ERBB4: variants seen among roughly 807,000 people sequenced by gnomAD.
ERBB4 encodes the protein erb-b2 receptor tyrosine kinase 4, also known as receptor tyrosine-protein kinase erbB-4.
ERBB4 carries 42 observed loss-of-function variants against 158.0 expected under a neutral mutation model. The ratio of observed to expected loss-of-function variants is 0.27; its 90% CI spans 0.21 to 0.34. ERBB4 has a LOEUF of 0.34. Ranked by LOEUF, ERBB4 falls within the 10% of genes least tolerant of loss-of-function variation. The pLI is 1.00. For missense variants in ERBB4, 1,333 were observed against 1,624.1 expected (o/e 0.82, Z 3.08); for synonymous variants, 583 against 558.7 (o/e 1.04, Z -0.61).
chr2:212,381,602 T>C (rs1230587906), intron 1 of ERBB4, among the ~76,000 whole-genome samples: 1 of 151,342 alleles, frequency 6.6e-6, no homozygotes, highest in Non-Finnish European at 1.5e-5. Context: ...TTGGGCTCTC[T>C]GCCAAGTAAT....
At chr2:211,669,234 A>G (rs1049867032) in intron 14 of ERBB4, among the ~76,000 whole-genome samples, 6 of 137,812 alleles carry the variant, frequency 4.4e-5, no homozygotes, top group South Asian at 2.2e-4. Context: ...AAAAAAAAAA[A>G]AAAAGAAAAA....
rs557974725 is a variant in ERBB4 at position 212,117,770 on chromosome 2, T to C, written c.234+6982A>G. ...TCATAGATGTTTAATTTAAATGGTGTTTTCCTCTCTAATGTTTCTAAAATA... is the reference window on the plus strand; with the variant it reads ...TCATAGATGTTTAATTTAAATGGTGCTTTCCTCTCTAATGTTTCTAAAATA... On this transcript the variant is annotated intron_variant, in intron 2 of 27. Coordinates refer to ENST00000342788, the MANE Select transcript of ERBB4 (RefSeq NM_005235.3). 7.6e-3 allele frequency among the ~76,000 whole-genome samples: 917 copies of C among 119,872 alleles called. 6 individuals carry two copies. Among genetic ancestry groups the C allele is most frequent in the Middle Eastern group, 0.031 (7 of 226 alleles). 78.6% of individuals were successfully genotyped at this position (119,872 alleles called of 152,430 possible).
At chr2:211,937,893 T>C (rs899868247) in intron 3 of ERBB4, among the ~76,000 whole-genome samples, 1 of 152,122 alleles carries the variant, frequency 6.6e-6, no homozygotes, top group African/African-American at 2.4e-5. Flanking sequence ...CAGATACTTA[T>C]ACTGTGGAAA....
chr2:212,226,943 T>C (rs1252574240), intron 1 of ERBB4, among the ~76,000 whole-genome samples: 1 of 152,094 alleles, frequency 6.6e-6, no homozygotes, highest in Non-Finnish European at 1.5e-5. Context: ...TGGAGATAGA[T>C]TCTAAGAAAT....
intron 20 of ERBB4, among the ~76,000 whole-genome samples, chr2:211,526,762 A>T (rs2125651921): frequency 7.0e-6 from 1 of 142,308 alleles, no homozygotes. Context: ...ATTAAAGAGA[A>T]TCAAGCAGAA....
chr2:211,453,501 GGAA>G (rs2064301228), intron 20 of ERBB4, among the ~76,000 whole-genome samples: 2 of 152,058 alleles, frequency 1.3e-5, no homozygotes, highest in African/African-American at 4.8e-5. Context: ...TTTAAAAAGA[GGAA>G]GAGAGAAAGG....
chr2:211,901,225 A>G (rs1046067208), intron 3 of ERBB4, among the ~76,000 whole-genome samples: 3 of 152,154 alleles, frequency 2.0e-5, no homozygotes, highest in African/African-American at 7.2e-5. Context: ...GTAACCTTGA[A>G]TAAGTCACTT....
intron 3 of ERBB4, among the ~76,000 whole-genome samples, chr2:211,796,216 C>A (rs1039506310): frequency 6.6e-6 from 1 of 151,854 alleles, no homozygotes; most frequent in African/African-American, 2.4e-5. Context: ...ATAATGTGTG[C>A]TTATTTTTGT....
At chr2:212,133,194 G>T (rs560669846) in intron 1 of ERBB4, among the ~76,000 whole-genome samples, 3 of 151,956 alleles carry the variant, frequency 2.0e-5, no homozygotes, top group Non-Finnish European at 2.9e-5. Context: ...AATGTAAATT[G>T]TTCATGTCAC....
At chr2:211,813,459 C>T (rs2076805810) in intron 3 of ERBB4, among the ~76,000 whole-genome samples, 1 of 152,136 alleles carries the variant, frequency 6.6e-6, no homozygotes, top group South Asian at 2.1e-4. Flanking sequence ...CTACACTTAC[C>T]TTCAGTTTGC....
intron 1 of ERBB4, 150 bp downstream of exon 1, chr2:212,538,299 A>C (rs1256086653): frequency 2.6e-5 from 19 of 739,582 alleles, no homozygotes; most frequent in Admixed American, 1.2e-4. Context: ...TTTCAAATGG[A>C]AAGAGGGGTG....
intron 1 of ERBB4, among the ~76,000 whole-genome samples, chr2:212,334,511 G>A (rs573930380): frequency 6.6e-6 from 1 of 152,082 alleles, no homozygotes; most frequent in East Asian, 1.9e-4. Flanking sequence ...TCAAGGAATT[G>A]TTAGTTAAAA....
chr2:211,698,804 C>G (rs2073120828), intron 12 of ERBB4, among the ~76,000 whole-genome samples: 1 of 152,056 alleles, frequency 6.6e-6, no homozygotes, highest in Admixed American at 6.6e-5. Context: ...TAAGAAACTT[C>G]AAATGCTTTT....
intron 4 of ERBB4, among the ~76,000 whole-genome samples, chr2:211,770,733 G>C (rs184493287): frequency 2.0e-5 from 3 of 152,122 alleles, no homozygotes; most frequent in African/African-American, 7.2e-5. Flanking sequence ...GAAATTGCAA[G>C]CTGCTTGAGG....
intron 16 of ERBB4, among the ~76,000 whole-genome samples, chr2:211,651,305 G>T (rs552095764): frequency 6.6e-6 from 1 of 152,232 alleles, no homozygotes; most frequent in Admixed American, 6.5e-5. Context: ...ATATGGCAAA[G>T]TTGCATGACA....
At position 211,839,152 on chromosome 2, in the gene ERBB4, AAGGAGGAGGAGGAGGAGGAG is replaced by A. The variant is rs2077410589; in HGVS notation, c.422-51013_422-50994del. Among the ~76,000 whole-genome samples, 21 of 110,906 alleles carry A rather than the reference AAGGAGGAGGAGGAGGAGGAG, an allele frequency of 1.9e-4. No homozygotes were observed. The South Asian group carries it at 4.8e-3, about 25-fold the overall frequency. 72.8% of individuals were successfully genotyped at this position (110,906 alleles called of 152,430 possible). A position where few individuals can be genotyped will look rare whatever the true frequency, so the allele number is the denominator to read the frequency against. ...GAGAGAGGGAGAGAGGGAGAGAGAG[AAGGAGGAGGAGGAGGAGGAG>A]GAGGAGGAGGAGGAGGAGGAGGGAA... On this transcript the variant is annotated intron_variant, in intron 3 of 27. Coordinates refer to ENST00000342788, the MANE Select transcript of ERBB4 (RefSeq NM_005235.3).
chr2:212,176,090 A>G (rs534540832), intron 1 of ERBB4, among the ~76,000 whole-genome samples: 1 of 152,168 alleles, frequency 6.6e-6, no homozygotes, highest in South Asian at 2.1e-4. Context: ...TTTAGAGTAC[A>G]AACTCCTCAG....
Position 211,383,807 on chromosome 2 carries a change from G to A in ERBB4, c.3735C>T (p.His1245=), listed in dbSNP as rs2062624654. The change falls in exon 28 of 28, where the codon CAC becomes CAT. Residue 1245 remains histidine (H), a synonymous_variant. Coordinates refer to ENST00000342788, the MANE Select transcript of ERBB4 (RefSeq NM_005235.3). The stretch of plus-strand genomic sequence containing the variant: ...GAAGGGTGCTCCGAGGTGGCAGGCT[G>A]TGGTTCCAGTAGTCAGGGTTGTCAA... The part of the protein sequence containing the change: ...KAFDNPDYWN[H]SLPPRSTLQH... 6.2e-6 allele frequency: 10 copies of A among 1,614,160 alleles called. No individual in the cohort carries two copies. The highest frequency in any genetic ancestry group is 4.5e-5 in the East Asian group (2 of 44,876).
At chr2:212,258,918 G>A (rs1177253606) in intron 1 of ERBB4, among the ~76,000 whole-genome samples, 1 of 151,950 alleles carries the variant, frequency 6.6e-6, no homozygotes, top group Non-Finnish European at 1.5e-5. Flanking sequence ...AAGTAATAAG[G>A]AAAGTCATCA....
Sources: allele counts gnomAD v4.1 joint callset (sites outside exome capture counted in the v4.1 genomes callset), GRCh38; gene constraint gnomAD v4.1.1; transcripts MANE v1.5; gene names NCBI Gene and HGNC (gene_info 2026-07-23, HGNC 2026-07-21).